CDH15: variants seen among roughly 807,000 people sequenced by gnomAD.
CDH15 encodes the protein cadherin 15, also known as cadherin-15.
A neutral mutation model predicts 69.4 loss-of-function variants in CDH15; 73 were observed. The observed-to-expected ratio is 1.05, with a 90% CI of 0.87 to 1.28. CDH15 has a LOEUF of 1.28. Ranked by LOEUF, CDH15 falls within the 50% of genes most tolerant of loss-of-function variation. The pLI is 0.00. For synonymous variants in CDH15, 624 were observed against 507.7 expected, an observed-to-expected ratio of 1.23 and a Z score of -3.08; for missense variants, 1,343 against 1,133.6, an observed-to-expected ratio of 1.18 and a Z score of -2.65.
chr16:89,190,936 A>G (rs1437227015), intron 8 of CDH15, among the ~76,000 whole-genome samples: 1 of 151,836 alleles, frequency 6.6e-6, no homozygotes, highest in Non-Finnish European at 1.5e-5. Context: ...CAGTTTCCTC[A>G]CCTCACAGAA....
At chr16:89,172,226 G>GA (rs978147056) in intron 1 of CDH15, among the ~76,000 whole-genome samples, 1 of 152,046 alleles carries the variant, frequency 6.6e-6, no homozygotes, top group African/African-American at 2.4e-5. Flanking sequence ...AGAGAGGGGG[G>GA]AGCGGCAGGA....
intron 5 of CDH15, among the ~76,000 whole-genome samples, chr16:89,187,010 T>G (rs1458965640): frequency 6.6e-6 from 1 of 151,150 alleles, no homozygotes; most frequent in Non-Finnish European, 1.5e-5. Context: ...GCACAGTAGG[T>G]GCTCTGTAAA....
chr16:89,186,116 T>TCACCCAGCGCACAG (rs1915479754), intron 5 of CDH15: 1 of 131,922 alleles, frequency 7.6e-6, no homozygotes, highest in African/African-American at 3.0e-5. Context: ...CTGTAAAGGC[T>TCACCCAGCGCACAG]TACCCAGCGC....
Position 89,179,559 on chromosome 16 carries a change from C to T in CDH15, c.186C>T (p.Pro62=). ...ISVSENHKRL[P]YPLVQIKSDK... ...TATCCGAGAACCACAAGCGTCTCCC[C>T]TACCCCCTGGTTCAGGTGAGCAGGT... Residue 62 remains proline (P), a synonymous_variant, in exon 2 of 14, where the codon CCC becomes CCT. Transcript: ENST00000289746. 1 of 1,597,126 alleles carries T rather than the reference C, an allele frequency of 6.3e-7. No individual in the cohort carries two copies. The highest frequency in any genetic ancestry group is 1.3e-5 in the African/African-American group (1 of 74,468).
chr16:89,187,908 G>A (rs558211134), intron 6 of CDH15, among the ~76,000 whole-genome samples, 192 bp from the exon 7 acceptor site: 1 of 152,108 alleles, frequency 6.6e-6, no homozygotes, highest in Non-Finnish European at 1.5e-5. Flanking sequence ...GTGGGGGACA[G>A]TGACTCACAA....
At chr16:89,185,394 T>C (rs917662679) in intron 5 of CDH15, 61 bp downstream of exon 5, 7 of 1,524,802 alleles carry the variant, frequency 4.6e-6, no homozygotes, top group Admixed American at 2.0e-5. Flanking sequence ...CTCCTGCGGG[T>C]CCCTCTGCCC....
intron 3 of CDH15, among the ~76,000 whole-genome samples, chr16:89,181,254 G>A (rs80264718): frequency 0.15 from 23,480 of 152,182 alleles, 2,111 homozygotes; most frequent in East Asian, 0.34. Context: ...GGCCGCCACT[G>A]TTCTGGGCAG....
At chr16:89,188,309 C>T in intron 7 of CDH15, 24 bp downstream of exon 7, 3 of 1,602,460 alleles carry the variant, frequency 1.9e-6, no homozygotes, top group Non-Finnish European at 2.6e-6. Flanking sequence ...GGCTGGCACA[C>T]AGATGCCGGC....
chr16:89,173,343 G>C (rs1915195928), intron 1 of CDH15, among the ~76,000 whole-genome samples: 2 of 152,126 alleles, frequency 1.3e-5, no homozygotes, highest in African/African-American at 2.4e-5. Flanking sequence ...CTCTTCCTTT[G>C]GATTTGGGAG....
At chr16:89,190,148 C>T in intron 7 of CDH15, 95 bp from the exon 8 acceptor site, 1 of 1,480,778 alleles carries the variant, frequency 6.8e-7, no homozygotes, top group Non-Finnish European at 9.3e-7. Context: ...TACAGGTGCT[C>T]TGGACAGACC....
chr16:89,191,793 C>A lies in CDH15; in HGVS notation c.1514C>A (p.Ala505Asp). 6.2e-7 allele frequency: 1 copy of A among 1,606,098 alleles called. No homozygotes were observed. The highest frequency in any genetic ancestry group is 8.5e-7 in the Non-Finnish European group (1 of 1,179,528). The change falls in exon 10 of 14, where the codon GCC becomes GAC. Residue 505 changes from alanine (A) to aspartate (D), a missense_variant. Ala to Asp is a moderately radical substitution (Grantham distance 126, BLOSUM62 -2). Transcript: ENST00000289746. ...PHQGPGLLLG[A>D]TDEDLPPHGA... ...CAAGGCCCAGGCCTCCTCCTGGGCGCCACGGATGAGGACCTGCCCCCCCAC... is the reference window on the plus strand; with the variant it reads ...CAAGGCCCAGGCCTCCTCCTGGGCGACACGGATGAGGACCTGCCCCCCCAC...
chr16:89,190,452 C>A lies in CDH15; in HGVS notation c.1188C>A (p.Thr396=), dbSNP rs1484605926. 7 of 1,604,340 alleles carry A rather than the reference C, an allele frequency of 4.4e-6. No homozygotes were observed. Among genetic ancestry groups the A allele is most frequent in the Non-Finnish European group, 5.9e-6 (7 of 1,176,602 alleles). The change falls in exon 8 of 14, where the codon ACC becomes ACA. Residue 396 remains threonine (T), a synonymous_variant. Coordinates refer to ENST00000289746, the MANE Select transcript of CDH15 (RefSeq NM_004933.3). ...EGAPPGTLVA[T]FSARDPDTEQ... is the part of the protein sequence containing the mutation. ...CACCCCCAGGCACTCTGGTGGCCAC[C>A]TTCTCTGCCCGGGACCCTGACACAG...
intron 1 of CDH15, among the ~76,000 whole-genome samples, chr16:89,173,744 C>T (rs79461109): frequency 1.9e-3 from 296 of 152,332 alleles, no homozygotes; most frequent in African/African-American, 6.7e-3. Flanking sequence ...GGGTTGCTCC[C>T]CTGCTCGGGC....
chr16:89,185,135 T>C, intron 4 of CDH15, 38 bp from the exon 5 acceptor site: 2 of 1,558,552 alleles, frequency 1.3e-6, no homozygotes, highest in East Asian at 2.4e-5. Flanking sequence ...CCATCGGCCC[T>C]GTGGACGTTG....
At position 89,190,279 on chromosome 16, in the gene CDH15, A is replaced by G; in HGVS notation, c.1015A>G (p.Lys339Glu). ...TGAGAGCTGTGAACACTACGAACTCAAAGTGTCGGTGCAGAATGAGGCCCC... is the reference window on the plus strand; with the variant it reads ...TGAGAGCTGTGAACACTACGAACTCGAAGTGTCGGTGCAGAATGAGGCCCC... ...DYESCEHYEL[K>E]VSVQNEAPLQ... is the part of the protein sequence containing the mutation. The change falls in exon 8 of 14, where the codon AAA becomes GAA. Residue 339 changes from lysine to glutamate, a missense_variant. By Grantham distance (56) the Lys-to-Glu change is moderately conservative. Coordinates refer to ENST00000289746, the MANE Select transcript of CDH15 (RefSeq NM_004933.3). 1.9e-6 allele frequency: 3 copies of G among 1,612,722 alleles called. No individual in the cohort carries two copies. The highest frequency in any genetic ancestry group is 2.5e-6 in the Non-Finnish European group (3 of 1,179,884).
In CDH15 at chr16:89,185,257, A is replaced by G. The variant is rs1164748852; in HGVS notation, c.587A>G (p.Gln196Arg). Residue 196 changes from glutamine to arginine, a missense_variant, in exon 5 of 14, where the codon CAG becomes CGG. Transcript: ENST00000289746. Reference sequence around the variant, plus strand: ...GCGCTGCGGTTCTCCATCCTGCAGCAGGGCAGCCCCGAGCTCTTCAGCATC... The same window carrying G: ...GCGCTGCGGTTCTCCATCCTGCAGCGGGGCAGCCCCGAGCTCTTCAGCATC... ...NAALRFSILQQGSPELFSIDE... is the reference protein window; with the variant it reads ...NAALRFSILQRGSPELFSIDE... 6.2e-7 allele frequency: 1 copy of G among 1,606,088 alleles called. No individual in the cohort carries two copies. Among genetic ancestry groups the G allele is most frequent in the African/African-American group, 1.3e-5 (1 of 74,688 alleles).
intron 13 of CDH15, among the ~76,000 whole-genome samples, chr16:89,194,476 T>G (rs1185044817): frequency 1.3e-5 from 2 of 152,026 alleles, no homozygotes; most frequent in African/African-American, 4.8e-5. Context: ...AGACAGAGCC[T>G]CCGAAAGGCA....
In CDH15 at chr16:89,193,853, C is replaced by A. The variant is rs545375047; in HGVS notation, c.2091C>A (p.His697Gln). 5.0e-6 allele frequency: 8 copies of A among 1,611,652 alleles called. 1 individual carries two copies. The South Asian group carries it at 8.8e-5, about 18-fold the overall frequency. The change falls in exon 13 of 14, where the codon CAC becomes CAA. Residue 697 changes from histidine to glutamine, a missense_variant. Physicochemically the swap from His to Gln is conservative, Grantham distance 24 (BLOSUM62 0). Coordinates refer to ENST00000289746, the MANE Select transcript of CDH15 (RefSeq NM_004933.3). ...GAGATGCCCCGCAGGGCCGCCTGCA[C>A]CCCCAGCCACCCCGAGTGCTGCCCA... ...LRRDAPQGRL[H>Q]PQPPRVLPTS...
At chr16:89,174,718 G>T (rs560902800) in intron 1 of CDH15, among the ~76,000 whole-genome samples, 1 of 152,204 alleles carries the variant, frequency 6.6e-6, no homozygotes, top group African/African-American at 2.4e-5. Context: ...ATGAGCTTGG[G>T]GGTGTCATTG....
Sources: allele counts gnomAD v4.1 joint callset (sites outside exome capture counted in the v4.1 genomes callset), GRCh38; gene constraint gnomAD v4.1.1; transcripts MANE v1.5; gene names NCBI Gene and HGNC (gene_info 2026-07-23, HGNC 2026-07-21).